The following CSMD1 variants were observed in gnomAD, a reference collection of about 807,000 sequenced individuals.
CSMD1 encodes the protein CUB and Sushi multiple domains 1, also known as CUB and sushi domain-containing protein 1.
A neutral mutation model predicts 417.5 loss-of-function variants in CSMD1; 213 were observed. The ratio of observed to expected loss-of-function variants is 0.51; its 90% CI spans 0.46 to 0.57. The LOEUF is 0.57. Among genes scored for constraint, CSMD1 ranks in the 20% least tolerant of loss-of-function variants. The pLI, the probability that CSMD1 is intolerant of heterozygous loss-of-function variation, is 0.00. For synonymous variants in CSMD1, 2,862 were observed against 1,736.8 expected (o/e 1.65, Z -16.11); for missense variants, 6,923 against 4,529.7 (o/e 1.53, Z -15.17).
chr8:3,664,800 G>A (rs1288168175), intron 7 of CSMD1, among the ~76,000 whole-genome samples: 1 of 152,164 alleles, frequency 6.6e-6, no homozygotes. Context: ...TGTACACAAA[G>A]CTATCAAGAG....
chr8:4,710,840 G>C (rs1258114918), intron 1 of CSMD1, among the ~76,000 whole-genome samples: 1 of 151,220 alleles, frequency 6.6e-6, no homozygotes, highest in Non-Finnish European at 1.5e-5. Flanking sequence ...GTAAGACTCT[G>C]TCTCAAAAAT....
intron 2 of CSMD1, among the ~76,000 whole-genome samples, chr8:4,615,602 G>C (rs1246962571): frequency 6.6e-6 from 1 of 152,174 alleles, no homozygotes; most frequent in Non-Finnish European, 1.5e-5. Context: ...CAAAGCAAAA[G>C]AGGCGCTATA....
At chr8:4,546,911 C>G (rs1797663815) in intron 2 of CSMD1, among the ~76,000 whole-genome samples, 1 of 151,942 alleles carries the variant, frequency 6.6e-6, no homozygotes, top group South Asian at 2.1e-4. Context: ...CCTAACACAC[C>G]ATCCCTGAGA....
intron 10 of CSMD1, among the ~76,000 whole-genome samples, chr8:3,512,988 G>C (rs1166988181): frequency 6.6e-6 from 1 of 152,106 alleles, no homozygotes; most frequent in Non-Finnish European, 1.5e-5. Context: ...CCGTCCCTAT[G>C]AAAGGCATTA....
chr8:3,503,068 T>C (rs541711691), intron 10 of CSMD1, among the ~76,000 whole-genome samples: 53 of 152,040 alleles, frequency 3.5e-4, no homozygotes, highest in Non-Finnish European at 7.4e-4. Flanking sequence ...ACCTAATAAA[T>C]TAACAAAAAT....
At chr8:4,949,801 G>C (rs950799556) in intron 1 of CSMD1, among the ~76,000 whole-genome samples, 1 of 152,082 alleles carries the variant, frequency 6.6e-6, no homozygotes, top group East Asian at 1.9e-4. Flanking sequence ...ACATGTACTC[G>C]AAGCAATATT....
At chr8:4,467,316 G>A (rs77188179) in intron 2 of CSMD1, among the ~76,000 whole-genome samples, 1 of 152,076 alleles carries the variant, frequency 6.6e-6, no homozygotes, top group Non-Finnish European at 1.5e-5. Flanking sequence ...TCACTATACA[G>A]ATTATTTAAT....
intron 1 of CSMD1, among the ~76,000 whole-genome samples, chr8:4,654,537 C>T (rs914411464): frequency 6.6e-6 from 1 of 152,040 alleles, no homozygotes; most frequent in Non-Finnish European, 1.5e-5. Flanking sequence ...CTGAGAGGCA[C>T]AGTGGAGTTT....
intron 1 of CSMD1, among the ~76,000 whole-genome samples, chr8:4,692,865 G>T (rs1220417048): frequency 6.6e-6 from 1 of 152,166 alleles, no homozygotes; most frequent in Admixed American, 6.5e-5. Flanking sequence ...TGAGGTGCTA[G>T]ACAAGACTCT....
intron 3 of CSMD1, among the ~76,000 whole-genome samples, chr8:4,285,463 A>T (rs1021491449): frequency 6.6e-6 from 1 of 152,200 alleles, no homozygotes; most frequent in Non-Finnish European, 1.5e-5. Context: ...GAATTATGAA[A>T]TAATACAGAA....
chr8:4,989,978 G>A (rs915759834), intron 1 of CSMD1, among the ~76,000 whole-genome samples: 10 of 152,182 alleles, frequency 6.6e-5, no homozygotes, highest in Admixed American at 4.6e-4. Flanking sequence ...TCAGCACTGT[G>A]GTTGTGGCAG....
rs111330524 is a variant in CSMD1, at chr8:3,070,953, T to A, written c.7474+16144A>T. Among the ~76,000 whole-genome samples the A allele has an allele frequency of 4.6e-3, 704 of 152,346 alleles. 2 individuals carry two copies. Among genetic ancestry groups the A allele is most frequent in the Non-Finnish European group, 7.6e-3 (516 of 68,030 alleles). On this transcript the variant is annotated intron_variant, in intron 49 of 69. Transcript: ENST00000635120. The stretch of plus-strand genomic sequence containing the variant: ...GGTTCTGTGGGCTTTATAGGAAGCA[T>A]GGTGCTGGCATCTGTTCAGCTCCTG...
chr8:3,682,460 A>G (rs1425753950), intron 7 of CSMD1, among the ~76,000 whole-genome samples: 1 of 152,212 alleles, frequency 6.6e-6, no homozygotes, highest in Non-Finnish European at 1.5e-5. Flanking sequence ...ATCACCGGCC[A>G]TCAGAGAAAT....
At position 3,995,030 on chromosome 8, in the gene CSMD1, C is replaced by G. The variant is rs554901720; in HGVS notation, c.818+2873G>C. ...TCGCAGCACCCACAATGCTCCCCGT[C>G]CCTGTCTATGCAATTCGGGAATGGG... On this transcript the variant is annotated intron_variant, in intron 5 of 69. Transcript: ENST00000635120. Among the ~76,000 whole-genome samples the G allele has an allele frequency of 1.3e-4, 20 of 152,126 alleles. 1 individual carries two copies. Among genetic ancestry groups the G allele is most frequent in the Non-Finnish European group, 2.6e-4 (18 of 68,042 alleles).
chr8:4,826,530 T>A (rs1799838134), intron 1 of CSMD1, among the ~76,000 whole-genome samples: 1 of 152,156 alleles, frequency 6.6e-6, no homozygotes, highest in Admixed American at 6.5e-5. Flanking sequence ...CATGAAAATT[T>A]TGTTACGTGT....
chr8:3,786,911 C>G (rs764137590), intron 5 of CSMD1, among the ~76,000 whole-genome samples: 2 of 152,092 alleles, frequency 1.3e-5, no homozygotes, highest in African/African-American at 4.8e-5. Context: ...AATACTAGCA[C>G]CTTTAGGATG....
At chr8:4,419,280 T>C (rs1002397112) in intron 3 of CSMD1, among the ~76,000 whole-genome samples, 1 of 152,138 alleles carries the variant, frequency 6.6e-6, no homozygotes, top group East Asian at 1.9e-4. Context: ...AAAACAAAAG[T>C]AGACACACAT....
Position 4,260,214 on chromosome 8 carries a change from G to T in CSMD1, c.415+159739C>A, listed in dbSNP as rs116994465. On this transcript the variant is annotated intron_variant, in intron 3 of 69. Transcript: ENST00000635120. ...TATCAGGTGTTGCCTATCTAATTGGGGTGAACACTACCTCTTTGCTATTTC... is the reference window on the plus strand; with the variant it reads ...TATCAGGTGTTGCCTATCTAATTGGTGTGAACACTACCTCTTTGCTATTTC... Among the ~76,000 whole-genome samples the T allele has an allele frequency of 8.5e-5, 13 of 152,100 alleles. No homozygotes were observed. The East Asian group carries it at 2.5e-3, about 29-fold the overall frequency.
intron 3 of CSMD1, among the ~76,000 whole-genome samples, chr8:4,216,037 C>G (rs1800647632): frequency 6.6e-6 from 1 of 152,212 alleles, no homozygotes; most frequent in Non-Finnish European, 1.5e-5. Flanking sequence ...TTCCTGACAG[C>G]TGCACACCCA....
Sources: gnomAD v4.1 joint callset for allele counts (sites outside exome capture counted in the v4.1 genomes callset) on GRCh38, gnomAD v4.1.1 for gene constraint, MANE v1.5 for transcripts, NCBI Gene and HGNC (gene_info 2026-07-23, HGNC 2026-07-21) for gene names.